Variants in CCDC192 observed in about 807,000 individuals in gnomAD.
CCDC192 encodes coiled-coil domain containing 192, also known as coiled-coil domain-containing protein 192.
intron 5 of CCDC192, among the ~76,000 whole-genome samples, chr5:127,820,251 A>G (rs1749221750): frequency 1.3e-5 from 2 of 152,368 alleles, no homozygotes; most frequent in Admixed American, 1.3e-4. Context: ...GCCAATGAAT[A>G]TTTGGCCAGA....
At position 127,893,134 on chromosome 5, in the gene CCDC192, C is replaced by T. The variant is rs75373893; in HGVS notation, c.535+17473C>T. Among the ~76,000 whole-genome samples the T allele has an allele frequency of 5.7e-3, 868 of 152,264 alleles. 6 individuals are homozygous for T. The highest frequency in any genetic ancestry group is 0.044 in the Middle Eastern group (13 of 294). The stretch of plus-strand genomic sequence containing the variant: ...CCTTAGCGATAATCTTGTCCACTCC[C>T]ATGTTTTACAGATGAGAAAACTGGG... On this transcript the variant is annotated intron_variant, in intron 6 of 6. Coordinates refer to ENST00000514853, the MANE Select transcript of CCDC192 (RefSeq NM_001317938.2).
intron 6 of CCDC192, among the ~76,000 whole-genome samples, chr5:127,904,287 T>C (rs1450406785): frequency 6.6e-6 from 1 of 152,206 alleles, no homozygotes; most frequent in Non-Finnish European, 1.5e-5. Context: ...GTGAAACCTA[T>C]GTTTGGACTT....
chr5:127,805,848 C>T (rs190073002), intron 5 of CCDC192, among the ~76,000 whole-genome samples: 4 of 152,300 alleles, frequency 2.6e-5, no homozygotes, highest in Non-Finnish European at 5.9e-5. Context: ...TATGTCATTA[C>T]CCCATGGCTC....
intron 3 of CCDC192, among the ~76,000 whole-genome samples, chr5:127,760,538 A>T (rs1045848444): frequency 2.0e-5 from 3 of 151,862 alleles, no homozygotes; most frequent in Admixed American, 6.6e-5. Context: ...CCAGATCTTC[A>T]GGCTGAGGTT....
chr5:127,724,043 G>T (rs999109791), intron 2 of CCDC192, among the ~76,000 whole-genome samples: 1 of 152,170 alleles, frequency 6.6e-6, no homozygotes, highest in Non-Finnish European at 1.5e-5. Flanking sequence ...TCAAGAAGTT[G>T]ATTGAATGAG....
intron 2 of CCDC192, among the ~76,000 whole-genome samples, chr5:127,738,658 C>G (rs1244459719): frequency 6.6e-6 from 1 of 151,604 alleles, no homozygotes; most frequent in Non-Finnish European, 1.5e-5. Context: ...CTAAACTTCC[C>G]TTCTCGCTTC....
At chr5:127,786,574 A>G (rs1756550716) in intron 3 of CCDC192, 1 of 705,386 alleles carries the variant, frequency 1.4e-6, no homozygotes. Flanking sequence ...AAGGGAATAG[A>G]TTTCACATAT....
chr5:127,927,169 G>T (rs1753885979), intron 6 of CCDC192, among the ~76,000 whole-genome samples: 1 of 152,050 alleles, frequency 6.6e-6, no homozygotes. Context: ...TTCAGTTTCG[G>T]TTACCAGAAG....
intron 2 of CCDC192, among the ~76,000 whole-genome samples, chr5:127,752,203 T>G (rs1334113206): frequency 2.0e-5 from 3 of 152,218 alleles, no homozygotes; most frequent in African/African-American, 7.2e-5. Context: ...GATTTTTAGT[T>G]TCCAGTTTTT....
chr5:127,766,537 C>T (rs1006821697), intron 3 of CCDC192, among the ~76,000 whole-genome samples: 4 of 147,952 alleles, frequency 2.7e-5, no homozygotes, highest in African/African-American at 1.0e-4. Context: ...TATTCTTGTC[C>T]TACCCCATCC....
At chr5:127,750,943 CT>C (rs1245176692) in intron 2 of CCDC192, among the ~76,000 whole-genome samples, 2 of 148,730 alleles carry the variant, frequency 1.3e-5, no homozygotes, top group African/African-American at 2.5e-5. Context: ...CAACCCCTGC[CT>C]TTTTTTGTTT....
chr5:127,916,513 A>C (rs1379407114), intron 6 of CCDC192, among the ~76,000 whole-genome samples: 1 of 152,254 alleles, frequency 6.6e-6, no homozygotes, highest in East Asian at 1.9e-4. Context: ...ACCTTACAAA[A>C]TGTATTTCTT....
At chr5:127,884,650 CAT>C (rs1752496764) in intron 6 of CCDC192, among the ~76,000 whole-genome samples, 3 of 152,258 alleles carry the variant, frequency 2.0e-5, no homozygotes, top group Non-Finnish European at 4.4e-5. Flanking sequence ...ACACCTGAGT[CAT>C]GTGCCAGATG....
At chr5:127,714,695 G>A (rs942185282) in intron 2 of CCDC192, among the ~76,000 whole-genome samples, 2 of 152,112 alleles carry the variant, frequency 1.3e-5, no homozygotes, top group South Asian at 2.1e-4. Flanking sequence ...AATTTTTAAG[G>A]TACCTCCCTA....
chr5:127,899,168 G>C (rs982589576), intron 6 of CCDC192, among the ~76,000 whole-genome samples: 1 of 152,164 alleles, frequency 6.6e-6, no homozygotes. Context: ...TTGCGTTTTT[G>C]GGGGGAGTGA....
intron 5 of CCDC192, among the ~76,000 whole-genome samples, chr5:127,801,566 AT>A (rs926328085): frequency 1.3e-5 from 2 of 152,004 alleles, no homozygotes. Context: ...ATGTTCTGTG[AT>A]TTTGCTCACA....
intron 5 of CCDC192, among the ~76,000 whole-genome samples, chr5:127,806,321 C>T (rs1328915668): frequency 6.6e-6 from 1 of 152,068 alleles, no homozygotes; most frequent in African/African-American, 2.4e-5. Flanking sequence ...TTTCCCCTTT[C>T]TGATCAGATC....
intron 6 of CCDC192, among the ~76,000 whole-genome samples, chr5:127,899,906 C>T (rs1374633609): frequency 6.6e-6 from 1 of 152,196 alleles, no homozygotes; most frequent in East Asian, 1.9e-4. Context: ...TCTGTGGTTG[C>T]CTCAAGTTTG....
At chr5:127,741,574 A>C (rs1036145283) in intron 2 of CCDC192, among the ~76,000 whole-genome samples, 1 of 152,220 alleles carries the variant, frequency 6.6e-6, no homozygotes, top group Non-Finnish European at 1.5e-5. Flanking sequence ...AGATGTTATC[A>C]GGTGTTCAAA....
Sources: allele counts gnomAD v4.1 joint callset (sites outside exome capture counted in the v4.1 genomes callset), GRCh38; gene constraint gnomAD v4.1.1; transcripts MANE v1.5; gene names NCBI Gene and HGNC (gene_info 2026-07-23, HGNC 2026-07-21).